Variants in RYR3 observed in about 807,000 individuals in gnomAD.
The protein encoded by RYR3 is brain ryanodine receptor-calcium release channel.
RYR3 carries 207 observed loss-of-function variants against 584.3 expected under a neutral mutation model. That is an observed-to-expected ratio of 0.35 (90% CI 0.32 to 0.40). The LOEUF (loss-of-function observed/expected upper bound fraction) is 0.40. Among genes scored for constraint, RYR3 ranks in the 10% least tolerant of loss-of-function variants. The probability of loss-of-function intolerance (pLI) is 1.00; values close to 1 mark genes in which losing one functional copy is unlikely to be tolerated. For synonymous variants in RYR3, 2,416 were observed against 2,248.5 expected (o/e 1.07, Z -2.11); for missense variants, 5,616 against 6,089.2 (o/e 0.92, Z 2.59).
chr15:33,625,766 C>T (rs527341409), intron 20 of RYR3, among the ~76,000 whole-genome samples: 19 of 152,126 alleles, frequency 1.2e-4, no homozygotes, highest in Admixed American at 3.3e-4. Context: ...ATAGGAGATA[C>T]GATAGTTCTG....
In RYR3 at chr15:33,554,341, C is replaced by CT. The variant is rs1436475304; in HGVS notation, c.972+4026dup. Among the ~76,000 whole-genome samples, 7 of 142,054 alleles carry CT rather than the reference C, an allele frequency of 4.9e-5. No individual in the cohort carries two copies. The Admixed American group carries it at 5.2e-4, about 10-fold the overall frequency. 93.2% of individuals were successfully genotyped at this position (142,054 alleles called of 152,430 possible). A position where few individuals can be genotyped will look rare whatever the true frequency, so the allele number is the denominator to read the frequency against. ...GTGGAGTCTCGTTCTGTTGCCCAGG[C>CT]TGGAGGTACAGTGGTGCGATCTCGA... On this transcript the variant is annotated intron_variant, in intron 10 of 103. Coordinates refer to ENST00000634891, the MANE Select transcript of RYR3 (RefSeq NM_001036.6).
Position 33,749,995 on chromosome 15 carries a change from TG to T in RYR3, c.8218del (p.Ala2740LeufsTer33). 1 of 1,612,448 alleles carries T rather than the reference TG, an allele frequency of 6.2e-7. No homozygotes were observed. The highest frequency in any genetic ancestry group is 8.5e-7 in the Non-Finnish European group (1 of 1,179,430). ...GGGACACAGGGAATGGTGGAGGTCGTGGCTGAGAACTATCACAATATCTGGG... is the reference window on the plus strand; with the variant it reads ...GGGACACAGGGAATGGTGGAGGTCGTGCTGAGAACTATCACAATATCTGGG... ...SRELQGMVEV[V>X]AENYHNIWAK... On this transcript the variant is annotated frameshift_variant, in exon 56 of 104. Transcript: ENST00000634891. LOFTEE classifies it high-confidence loss of function.
intron 75 of RYR3, among the ~76,000 whole-genome samples, chr15:33,817,752 A>G (rs1202350237): frequency 6.6e-6 from 1 of 152,134 alleles, no homozygotes; most frequent in Non-Finnish European, 1.5e-5. Context: ...GTTGGTGAGA[A>G]AGACACTCCG....
rs2077636190 is a variant in RYR3, at chr15:33,830,871, A to G, written c.11335-92A>G. ...CTGTCAGAGCAAAGAGGTCATAGAGATGCAGGATTATCATGTACCCTTCCC... is the reference window on the plus strand; with the variant it reads ...CTGTCAGAGCAAAGAGGTCATAGAGGTGCAGGATTATCATGTACCCTTCCC... On this transcript the variant is annotated intron_variant, in intron 85 of 103. Coordinates refer to ENST00000634891, the MANE Select transcript of RYR3 (RefSeq NM_001036.6). 4.5e-6 allele frequency: 6 copies of G among 1,339,228 alleles called. No individual in the cohort carries two copies. The Admixed American group carries it at 1.1e-4, about 25-fold the overall frequency. The allele number at this position is 1,339,228 out of a possible 1,614,324, so 83.0% of individuals were successfully genotyped here. A position where few individuals can be genotyped will look rare whatever the true frequency, so the allele number is the denominator to read the frequency against.
At chr15:33,616,314 C>G (rs35902297) in intron 19 of RYR3, among the ~76,000 whole-genome samples, 4 of 151,958 alleles carry the variant, frequency 2.6e-5, no homozygotes, top group Admixed American at 2.0e-4. Context: ...TAGTTCATCC[C>G]TTCCGTCTCC....
Position 33,562,825 on chromosome 15 carries a change from T to C in RYR3, c.973-12T>C, listed in dbSNP as rs1422211427. ...CTATGCCTATGTTTGTTTCTTTTTG[T>C]GTATGAATTAGGAACTCAAGGAGAA... On this transcript the variant is annotated splice_polypyrimidine_tract_variant and intron_variant, in intron 10 of 103. Transcript: ENST00000634891. 6.2e-7 allele frequency: 1 copy of C among 1,602,196 alleles called. No individual in the cohort carries two copies. Among genetic ancestry groups the C allele is most frequent in the Admixed American group, 1.7e-5 (1 of 59,758 alleles).
chr15:33,813,667 C>A, intron 74 of RYR3, 88 bp downstream of exon 74: 1 of 1,087,452 alleles, frequency 9.2e-7, no homozygotes, highest in Non-Finnish European at 1.4e-6. Context: ...ACTCTTAATC[C>A]AAGGAATAGA....
At chr15:33,366,178 A>AG (rs11396173) in intron 1 of RYR3, among the ~76,000 whole-genome samples, 90,831 of 151,382 alleles carry the variant, frequency 0.6, 27,678 homozygotes, top group Middle Eastern at 0.73. Flanking sequence ...GCTTCACATA[A>AG]TAGGTAATTG....
chr15:33,373,174 A>G (rs933977058), intron 1 of RYR3, among the ~76,000 whole-genome samples: 2 of 152,230 alleles, frequency 1.3e-5, no homozygotes, highest in Non-Finnish European at 2.9e-5. Flanking sequence ...ACCAACAAGC[A>G]TCTGCCACTG....
chr15:33,757,657 T>C (rs1256015014), intron 60 of RYR3, 61 bp downstream of exon 60: 1 of 1,559,918 alleles, frequency 6.4e-7, no homozygotes, highest in African/African-American at 1.4e-5. Flanking sequence ...AAATGCCAGG[T>C]CCCTGTGGAC....
chr15:33,826,995 G>A (rs1440633565), intron 84 of RYR3, among the ~76,000 whole-genome samples: 1 of 152,170 alleles, frequency 6.6e-6, no homozygotes, highest in East Asian at 1.9e-4. Context: ...GCCCCTTGGG[G>A]CTCGTTAAGT....
At chr15:33,786,126 C>T (rs772097659) in intron 66 of RYR3, 144 bp downstream of exon 66, 79 of 662,488 alleles carry the variant, frequency 1.2e-4, no homozygotes, top group Non-Finnish European at 1.9e-4. Flanking sequence ...AGTTGCTTAA[C>T]AGTAAAAAGA....
chr15:33,808,758 C>T (rs2076344031), intron 70 of RYR3, among the ~76,000 whole-genome samples: 1 of 152,118 alleles, frequency 6.6e-6, no homozygotes, highest in Non-Finnish European at 1.5e-5. Flanking sequence ...TGTGAAGCAG[C>T]TTTCCCTTCC....
intron 1 of RYR3, among the ~76,000 whole-genome samples, chr15:33,422,634 C>T (rs752636273): frequency 5.9e-5 from 9 of 151,948 alleles, no homozygotes; most frequent in East Asian, 3.9e-4. Flanking sequence ...CACAGAACTG[C>T]GTGGGCAAGC....
intron 1 of RYR3, among the ~76,000 whole-genome samples, chr15:33,328,782 T>G (rs76592175): frequency 0.017 from 2,591 of 152,286 alleles, 68 homozygotes; most frequent in African/African-American, 0.059. Flanking sequence ...ATGTCTAAAC[T>G]TGTAAAAGTA....
At chr15:33,759,897 T>C (rs2072257322) in intron 60 of RYR3, among the ~76,000 whole-genome samples, 1 of 152,064 alleles carries the variant, frequency 6.6e-6, no homozygotes, top group African/African-American at 2.4e-5. Context: ...GAGAGAAAGG[T>C]AGGGTTACCC....
intron 67 of RYR3, among the ~76,000 whole-genome samples, chr15:33,799,816 GTGTCA>G (rs2075825337): frequency 6.6e-6 from 1 of 152,196 alleles, no homozygotes; most frequent in African/African-American, 2.4e-5. Flanking sequence ...CAGGTAGTTA[GTGTCA>G]TATTTGAATT....
chr15:33,576,191 C>T (rs1362847877), intron 12 of RYR3, among the ~76,000 whole-genome samples: 3 of 152,098 alleles, frequency 2.0e-5, no homozygotes, highest in Non-Finnish European at 4.4e-5. Flanking sequence ...CTACCAGGTA[C>T]GAAGAGGAGC....
At chr15:33,623,754 G>A (rs575152791) in intron 19 of RYR3, 53 bp from the exon 20 acceptor site, 3 of 1,282,752 alleles carry the variant, frequency 2.3e-6, no homozygotes, top group African/African-American at 1.5e-5. Flanking sequence ...CACTTATTTG[G>A]GCTGCATTGT....
Sources: gnomAD v4.1 joint callset for allele counts (sites outside exome capture counted in the v4.1 genomes callset) on GRCh38, gnomAD v4.1.1 for gene constraint, MANE v1.5 for transcripts, NCBI Gene and HGNC (gene_info 2026-07-23, HGNC 2026-07-21) for gene names.